CCNY: variants seen among roughly 807,000 people sequenced by gnomAD.
CCNY encodes the protein cyclin-Y.
In CCNY, 19 loss-of-function variants were observed where a neutral mutation model predicts 42.8. The observed-to-expected ratio is 0.44, with a 90% CI of 0.31 to 0.65. The LOEUF is 0.65. Among genes scored for constraint, CCNY ranks in the 30% least tolerant of loss-of-function variants. The pLI is 0.07. For missense variants in CCNY, 370 were observed against 437.3 expected (o/e 0.85, Z 1.37); for synonymous variants, 165 against 162.7 (o/e 1.01, Z -0.11).
chr10:35,533,679 C>T (rs1188380727), intron 7 of CCNY, among the ~76,000 whole-genome samples: 1 of 152,246 alleles, frequency 6.6e-6, no homozygotes, highest in Non-Finnish European at 1.5e-5. Flanking sequence ...ACTCCCTGCT[C>T]ATCACTTCCT....
intron 2 of CCNY, among the ~76,000 whole-genome samples, chr10:35,498,231 G>T (rs765141279): frequency 7.9e-5 from 12 of 152,136 alleles, no homozygotes; most frequent in Non-Finnish European, 1.8e-4. Flanking sequence ...ATGTAAGAAG[G>T]CTCTGCCTGT....
intron 1 of CCNY, among the ~76,000 whole-genome samples, chr10:35,468,156 C>T (rs1464643078): frequency 1.3e-5 from 2 of 152,232 alleles, no homozygotes; most frequent in Non-Finnish European, 2.9e-5. Context: ...AGGTCAGCTT[C>T]CCGGTTCATA....
chr10:35,477,722 T>G (rs531600204), intron 1 of CCNY, among the ~76,000 whole-genome samples: 2,563 of 151,818 alleles, frequency 0.017, 83 homozygotes, highest in African/African-American at 0.059. Context: ...CTTTGAAAAC[T>G]GGCACAAGAC....
chr10:35,505,312 G>T (rs569644156), intron 3 of CCNY, among the ~76,000 whole-genome samples: 1 of 151,774 alleles, frequency 6.6e-6, no homozygotes, highest in Non-Finnish European at 1.5e-5. Context: ...AATGAATGAG[G>T]AGTTGAATAG....
At chr10:35,484,721 GATAGTACTATAAAAACAAGAAAC>G (rs1217175589) in intron 2 of CCNY, among the ~76,000 whole-genome samples, 7 of 152,174 alleles carry the variant, frequency 4.6e-5, no homozygotes, top group South Asian at 2.1e-4. Flanking sequence ...TGCAGACACT[GATAGTACTATAAAAACAAGAAAC>G]ATAGTACTAT....
intron 3 of CCNY, among the ~76,000 whole-genome samples, chr10:35,306,021 C>A (rs993195051): frequency 4.6e-5 from 7 of 152,094 alleles, no homozygotes; most frequent in African/African-American, 1.7e-4. Context: ...ACTTAAAATT[C>A]ATGTTTCATA....
At chr10:35,447,286 G>A (rs567686814) in intron 1 of CCNY, among the ~76,000 whole-genome samples, 1 of 152,322 alleles carries the variant, frequency 6.6e-6, no homozygotes, top group Admixed American at 6.5e-5. Context: ...AAGAAAGCTG[G>A]TTTAGTTTGA....
At chr10:35,265,698 G>T (rs1469674304) in intron 3 of CCNY, among the ~76,000 whole-genome samples, 1 of 152,248 alleles carries the variant, frequency 6.6e-6, no homozygotes, top group Non-Finnish European at 1.5e-5. Flanking sequence ...AGCAGGGCAC[G>T]GGTTGCCTTA....
chr10:35,302,104 A>G (rs1338612934), intron 3 of CCNY, among the ~76,000 whole-genome samples: 1 of 150,712 alleles, frequency 6.6e-6, no homozygotes, highest in Non-Finnish European at 1.5e-5. Context: ...CTGGGACTAC[A>G]GGCACACGCC....
chr10:35,551,933 A>C (rs1002309264), intron 7 of CCNY, among the ~76,000 whole-genome samples: 33 of 152,224 alleles, frequency 2.2e-4, no homozygotes, highest in African/African-American at 7.7e-4. Flanking sequence ...TGAAATGTGA[A>C]ATGGTGCATA....
intron 3 of CCNY, among the ~76,000 whole-genome samples, chr10:35,306,074 G>A (rs954672533): frequency 3.4e-4 from 52 of 151,962 alleles, no homozygotes; most frequent in African/African-American, 1.2e-3. Context: ...TCACTCTGTT[G>A]CCCAGCCTGG....
chr10:35,448,454 A>T (rs1318051945), intron 1 of CCNY, among the ~76,000 whole-genome samples: 2 of 152,210 alleles, frequency 1.3e-5, no homozygotes, highest in Admixed American at 6.5e-5. Context: ...CATGAGGGTA[A>T]TATTATTATT....
intron 8 of CCNY, among the ~76,000 whole-genome samples, chr10:35,562,271 C>A (rs1212322231): frequency 6.6e-6 from 1 of 152,172 alleles, no homozygotes; most frequent in African/African-American, 2.4e-5. Flanking sequence ...TCTGTAGATA[C>A]CTGGTTTCTG....
At chr10:35,264,339 A>C (rs892200316) in intron 3 of CCNY, among the ~76,000 whole-genome samples, 2 of 152,132 alleles carry the variant, frequency 1.3e-5, no homozygotes, top group Non-Finnish European at 2.9e-5. Context: ...TGCACCCATT[A>C]ACTCGTCAGG....
chr10:35,412,095 A>G (rs1837918949), intron 1 of CCNY, among the ~76,000 whole-genome samples: 1 of 152,132 alleles, frequency 6.6e-6, no homozygotes, highest in African/African-American at 2.4e-5. Flanking sequence ...GGTGGGGAAG[A>G]TGCCATGTTT....
chr10:35,454,989 A>G (rs1838997927), intron 1 of CCNY, among the ~76,000 whole-genome samples: 1 of 152,236 alleles, frequency 6.6e-6, no homozygotes, highest in South Asian at 2.1e-4. Flanking sequence ...TGTACCTTCC[A>G]TTCCATACAA....
At chr10:35,283,913 G>A (rs774092911) in intron 3 of CCNY, among the ~76,000 whole-genome samples, 4 of 151,958 alleles carry the variant, frequency 2.6e-5, no homozygotes, top group Non-Finnish European at 4.4e-5. Flanking sequence ...GTGAAATCCC[G>A]TCTCTACTAA....
At chr10:35,304,409 A>G (rs1373814164) in intron 3 of CCNY, among the ~76,000 whole-genome samples, 1 of 86,494 alleles carries the variant, frequency 1.2e-5, no homozygotes, top group Non-Finnish European at 2.2e-5. Context: ...TCCCGGGTTC[A>G]CGCCATTCTC....
At chr10:35,438,872 A>C (rs1261320729) in intron 1 of CCNY, among the ~76,000 whole-genome samples, 2 of 152,144 alleles carry the variant, frequency 1.3e-5, no homozygotes, top group African/African-American at 4.8e-5. Context: ...AGTTTCTCTT[A>C]GTTTCATGAA....
Sources: allele counts gnomAD v4.1 joint callset (sites outside exome capture counted in the v4.1 genomes callset), GRCh38; gene constraint gnomAD v4.1.1; transcripts MANE v1.5; gene names NCBI Gene and HGNC (gene_info 2026-07-23, HGNC 2026-07-21).